G3BP2: variants seen among roughly 807,000 people sequenced by gnomAD.
The protein encoded by G3BP2 is ras GTPase-activating protein-binding protein 2.
In G3BP2, 11 loss-of-function variants were observed where a neutral mutation model predicts 56.7. The observed-to-expected ratio is 0.19, with a 90% CI of 0.12 to 0.32. The LOEUF is 0.32. Among genes scored for constraint, G3BP2 ranks in the 10% least tolerant of loss-of-function variants. The pLI is 1.00. For missense variants in G3BP2, 340 were observed against 610.9 expected (o/e 0.56, Z 4.67); for synonymous variants, 165 against 191.6 (o/e 0.86, Z 1.15).
chr4:75,719,790 T>C (rs1720082114), intron 3 of G3BP2, among the ~76,000 whole-genome samples: 1 of 151,924 alleles, frequency 6.6e-6, no homozygotes, highest in South Asian at 2.1e-4. Flanking sequence ...GATTTCTCCA[T>C]GTTGGTCAGG....
chr4:75,647,229 A>C, intron 9 of G3BP2, 72 bp from the exon 10 acceptor site: 2 of 979,226 alleles, frequency 2.0e-6, no homozygotes, highest in Non-Finnish European at 3.0e-6. Context: ...GTGAATGTAA[A>C]AATCACTTAA....
intron 8 of G3BP2, among the ~76,000 whole-genome samples, chr4:75,653,440 CAAA>C (rs1731851600): frequency 6.6e-6 from 1 of 151,672 alleles, no homozygotes; most frequent in Non-Finnish European, 1.5e-5. Flanking sequence ...GACAAACAGA[CAAA>C]AAGCAGAATA....
At chr4:75,676,624 C>T (rs1480300986), upstream of G3BP2, among the ~76,000 whole-genome samples, 2 of 152,162 alleles carry the variant, frequency 1.3e-5, no homozygotes, top group Non-Finnish European at 2.9e-5. Flanking sequence ...TCTGTTCCCT[C>T]TACCTTCAAC....
chr4:75,662,885 C>T (rs543922311), intron 1 of G3BP2, among the ~76,000 whole-genome samples: 56 of 152,326 alleles, frequency 3.7e-4, no homozygotes, highest in African/African-American at 1.3e-3. Context: ...TCAGAGATAA[C>T]ACTCATGGCA....
chr4:75,659,660 A>G (rs1732396671), intron 2 of G3BP2, among the ~76,000 whole-genome samples: 1 of 152,200 alleles, frequency 6.6e-6, no homozygotes, highest in African/African-American at 2.4e-5. Flanking sequence ...TTTTTAGTGT[A>G]TTATGTGTAC....
At chr4:75,722,882 TTC>T (rs942447108) in intron 1 of G3BP2, among the ~76,000 whole-genome samples, 3 of 152,234 alleles carry the variant, frequency 2.0e-5, no homozygotes, top group African/African-American at 7.2e-5. Context: ...TATTCATATA[TTC>T]TTTCAATAAT....
intron 3 of G3BP2, among the ~76,000 whole-genome samples, chr4:75,712,787 T>A (rs1279290561): frequency 6.6e-6 from 1 of 152,108 alleles, no homozygotes; most frequent in Non-Finnish European, 1.5e-5. Context: ...ATACACATAA[T>A]GTTGTCTTCA....
chr4:75,712,248 C>T (rs1167841148), intron 3 of G3BP2, among the ~76,000 whole-genome samples: 1 of 151,942 alleles, frequency 6.6e-6, no homozygotes, highest in Non-Finnish European at 1.5e-5. Context: ...ACTACATTTC[C>T]TTCTAAGCTT....
intron 3 of G3BP2, among the ~76,000 whole-genome samples, chr4:75,703,637 T>G (rs1219027696): frequency 6.6e-6 from 1 of 151,396 alleles, no homozygotes; most frequent in African/African-American, 2.4e-5. Flanking sequence ...TAGCAAGAGG[T>G]GAGTTTAAGA....
intron 3 of G3BP2, among the ~76,000 whole-genome samples, chr4:75,698,323 T>G (rs1008351835): frequency 2.0e-5 from 3 of 152,110 alleles, no homozygotes; most frequent in Non-Finnish European, 4.4e-5. Flanking sequence ...GAAGGAGCCA[T>G]GAGCCAAGAA....
intron 3 of G3BP2, among the ~76,000 whole-genome samples, chr4:75,715,736 G>T (rs534079800): frequency 6.6e-6 from 1 of 152,168 alleles, no homozygotes; most frequent in Non-Finnish European, 1.5e-5. Context: ...GCCATGCCCC[G>T]GGGCTTTTCT....
chr4:75,662,632 C>T (rs1330532162), intron 1 of G3BP2: 1 of 152,252 alleles, frequency 6.6e-6, no homozygotes, highest in Admixed American at 6.5e-5. Context: ...TACTACTATC[C>T]ATAAGGTAAC....
chr4:75,720,155 C>T (rs1019920566), intron 3 of G3BP2, among the ~76,000 whole-genome samples: 1 of 151,438 alleles, frequency 6.6e-6, no homozygotes, highest in African/African-American at 2.4e-5. Context: ...TAGGCCACCA[C>T]GCCCAGCTAC....
intron 2 of G3BP2, among the ~76,000 whole-genome samples, chr4:75,659,618 A>C (rs970727165): frequency 1.3e-5 from 2 of 152,216 alleles, no homozygotes; most frequent in African/African-American, 4.8e-5. Flanking sequence ...TAGTAATAAA[A>C]CATGTAAGAG....
chr4:75,670,009 G>A (rs1429427256), intron 1 of G3BP2, among the ~76,000 whole-genome samples: 7 of 152,162 alleles, frequency 4.6e-5, no homozygotes, highest in East Asian at 1.9e-4. Context: ...CAGGAGAATC[G>A]CTTGAACCCG....
At chr4:75,674,719 T>TATATATATATATATATA (rs57822618), upstream of G3BP2, among the ~76,000 whole-genome samples, 140 of 50,690 alleles carry the variant, frequency 2.8e-3, no homozygotes, top group South Asian at 5.6e-3. Flanking sequence ...TATATATATA[T>TATATATATATATATATA]TTTTTTTTTT....
At chr4:75,689,167 A>G (rs183057447) in intron 3 of G3BP2, among the ~76,000 whole-genome samples, 278 of 152,358 alleles carry the variant, frequency 1.8e-3, no homozygotes, top group African/African-American at 6.3e-3. Flanking sequence ...ACTTGAGACC[A>G]GGAGTTCGAG....
chr4:75,716,002 C>G lies in G3BP2; in HGVS notation c.-25+4875G>C, dbSNP rs555493685. On this transcript the variant is annotated intron_variant, in intron 3 of 3. Transcript: ENST00000499709. ...ACCTATACAGACCTTAGATTCTGAGCTTTTTAGGAGTCAATACTCACATAC... is the reference window on the plus strand; with the variant it reads ...ACCTATACAGACCTTAGATTCTGAGGTTTTTAGGAGTCAATACTCACATAC... Among the ~76,000 whole-genome samples, 192 of 152,194 alleles carry G rather than the reference C, an allele frequency of 1.3e-3. 1 individual carries two copies. The highest frequency in any genetic ancestry group is 4.5e-3 in the African/African-American group (188 of 41,534).
At chr4:75,703,981 A>G (rs1003402811) in intron 3 of G3BP2, among the ~76,000 whole-genome samples, 10 of 151,984 alleles carry the variant, frequency 6.6e-5, no homozygotes, top group Non-Finnish European at 4.4e-5. Flanking sequence ...TCTTAAGCAA[A>G]ATGCATAGTC....
Sources: allele counts gnomAD v4.1 joint callset (sites outside exome capture counted in the v4.1 genomes callset), GRCh38; gene constraint gnomAD v4.1.1; transcripts MANE v1.5; gene names NCBI Gene and HGNC (gene_info 2026-07-23, HGNC 2026-07-21).